The following DCC variants were observed in gnomAD, a reference collection of about 807,000 sequenced individuals.
DCC encodes DCC netrin 1 receptor.
A neutral mutation model predicts 172.5 loss-of-function variants in DCC; 58 were observed. The ratio of observed to expected loss-of-function variants is 0.34; its 90% CI spans 0.27 to 0.42. The LOEUF (loss-of-function observed/expected upper bound fraction) is 0.42, where lower values mean the gene tolerates loss of function less well. DCC is among the 10% of genes least tolerant of loss of function. The pLI, the probability that DCC is intolerant of heterozygous loss-of-function variation, is 1.00. For synonymous variants in DCC, 709 were observed against 644.5 expected (o/e 1.10, Z -1.52); for missense variants, 1,740 against 1,791.0 (o/e 0.97, Z 0.51).
intron 2 of DCC, among the ~76,000 whole-genome samples, chr18:52,895,909 CG>C (rs1451324562): frequency 6.6e-6 from 1 of 152,042 alleles, no homozygotes; most frequent in Non-Finnish European, 1.5e-5. Context: ...CTCAGCCTCC[CG>C]AGTAGCTGGA....
chr18:52,719,844 G>A (rs577894159), intron 1 of DCC, among the ~76,000 whole-genome samples: 3 of 152,112 alleles, frequency 2.0e-5, no homozygotes, highest in Non-Finnish European at 4.4e-5. Context: ...GATGGAGGTC[G>A]CTGTGGCTAG....
chr18:53,344,886 GAA>G (rs201958177), intron 15 of DCC, among the ~76,000 whole-genome samples: 4 of 132,622 alleles, frequency 3.0e-5, no homozygotes, highest in Admixed American at 1.5e-4. Context: ...CTCTGTCTTG[GAA>G]AAAAAAAAAA....
At chr18:52,910,616 A>T (rs2039958537) in intron 3 of DCC, among the ~76,000 whole-genome samples, 2 of 152,146 alleles carry the variant, frequency 1.3e-5, no homozygotes, top group African/African-American at 2.4e-5. Context: ...AGTTCACTTT[A>T]TTCATGTCGC....
At chr18:52,862,678 A>G (rs1598877445) in intron 2 of DCC, among the ~76,000 whole-genome samples, 1 of 152,280 alleles carries the variant, frequency 6.6e-6, no homozygotes, top group East Asian at 1.9e-4. Flanking sequence ...AGCCTGGGCA[A>G]CAGAGCAAGA....
intron 1 of DCC, among the ~76,000 whole-genome samples, chr18:52,405,075 C>T (rs1031776829): frequency 4.0e-5 from 6 of 151,184 alleles, no homozygotes; most frequent in African/African-American, 1.2e-4. Flanking sequence ...TTGGACATTT[C>T]GGTTGGTTCC....
At chr18:52,780,780 G>T (rs117473697) in intron 2 of DCC, among the ~76,000 whole-genome samples, 1 of 152,090 alleles carries the variant, frequency 6.6e-6, no homozygotes, top group Non-Finnish European at 1.5e-5. Flanking sequence ...GAAGGGAGGA[G>T]GAAGGTCAGA....
At chr18:52,448,462 GT>G (rs35383038) in intron 1 of DCC, among the ~76,000 whole-genome samples, 263 of 149,494 alleles carry the variant, frequency 1.8e-3, no homozygotes, top group African/African-American at 5.9e-3. Context: ...AATTTATAGA[GT>G]TTTTTTTTTA....
chr18:53,217,366 G>T (rs7243973), intron 12 of DCC, among the ~76,000 whole-genome samples: 20,501 of 149,686 alleles, frequency 0.14, 2,256 homozygotes, highest in African/African-American at 0.31. Flanking sequence ...TCTCTAATTT[G>T]CTTGCTTGCA....
At chr18:53,348,336 T>C (rs2057748739) in intron 15 of DCC, among the ~76,000 whole-genome samples, 1 of 152,224 alleles carries the variant, frequency 6.6e-6, no homozygotes, top group South Asian at 2.1e-4. Flanking sequence ...TTTGACTCCA[T>C]GTCTCATATC....
intron 12 of DCC, among the ~76,000 whole-genome samples, chr18:53,257,280 T>G (rs1671921244): frequency 6.6e-6 from 1 of 152,184 alleles, no homozygotes; most frequent in Non-Finnish European, 1.5e-5. Context: ...AGGGCATCCG[T>G]GTCTTGTGCC....
intron 5 of DCC, among the ~76,000 whole-genome samples, chr18:52,938,810 C>G (rs2040419581): frequency 6.6e-6 from 1 of 152,062 alleles, no homozygotes; most frequent in Admixed American, 6.6e-5. Context: ...AGTTCAATCT[C>G]CAAAATATAT....
At chr18:52,894,279 G>A (rs527400102) in intron 2 of DCC, among the ~76,000 whole-genome samples, 1 of 151,996 alleles carries the variant, frequency 6.6e-6, no homozygotes, top group East Asian at 1.9e-4. Flanking sequence ...AACTCTTTGA[G>A]GAAAGAAACT....
At chr18:53,031,674 G>A (rs2042027932) in intron 5 of DCC, among the ~76,000 whole-genome samples, 1 of 151,638 alleles carries the variant, frequency 6.6e-6, no homozygotes, top group Non-Finnish European at 1.5e-5. Context: ...ATAATATTAG[G>A]GTTCATCAAA....
chr18:52,835,378 T>G (rs1369440725), intron 2 of DCC, among the ~76,000 whole-genome samples: 1 of 152,254 alleles, frequency 6.6e-6, no homozygotes, highest in Non-Finnish European at 1.5e-5. Context: ...AACTCATTTT[T>G]TATACAAATT....
intron 8 of DCC, among the ~76,000 whole-genome samples, chr18:53,176,704 A>G (rs1323722090): frequency 6.6e-6 from 1 of 151,888 alleles, no homozygotes; most frequent in Admixed American, 6.6e-5. Context: ...GATGTGGAGA[A>G]ATAGGAACAC....
intron 2 of DCC, among the ~76,000 whole-genome samples, chr18:52,788,329 A>G (rs1568103846): frequency 6.6e-6 from 1 of 152,176 alleles, no homozygotes; most frequent in South Asian, 2.1e-4. Flanking sequence ...AAACCTGGTT[A>G]GTAAGCAACT....
chr18:52,656,282 G>A (rs556523995), intron 1 of DCC, among the ~76,000 whole-genome samples: 1 of 151,704 alleles, frequency 6.6e-6, no homozygotes, highest in South Asian at 2.1e-4. Flanking sequence ...AATATGATTC[G>A]TGCCCTTATA....
chr18:52,862,355 A>G (rs1290393769), intron 2 of DCC, among the ~76,000 whole-genome samples: 1 of 152,188 alleles, frequency 6.6e-6, no homozygotes, highest in Non-Finnish European at 1.5e-5. Flanking sequence ...TGAAAATAGG[A>G]TCACCGGTCA....
chr18:52,786,152 G>T (rs1047056259), intron 2 of DCC, among the ~76,000 whole-genome samples: 5 of 152,022 alleles, frequency 3.3e-5, no homozygotes, highest in African/African-American at 9.7e-5. Flanking sequence ...ATCTTTGGGG[G>T]TCTATGAAGT....
Sources: allele counts gnomAD v4.1 joint callset (sites outside exome capture counted in the v4.1 genomes callset), GRCh38; gene constraint gnomAD v4.1.1; transcripts MANE v1.5; gene names NCBI Gene and HGNC (gene_info 2026-07-23, HGNC 2026-07-21).